Variants in ARK2N observed in about 807,000 individuals in gnomAD.
ARK2N encodes the protein arkadia (RNF111) N-terminal like PKA signaling regulator 2N.
chr18:46,179,270 T>G, the ARK2N span, among the ~76,000 whole-genome samples: 1 of 152,128 alleles, frequency 6.6e-6, no homozygotes, highest in Non-Finnish European at 1.5e-5. Flanking sequence ...ATTGGTTTTA[T>G]TTATTTTAGT....
chr18:46,186,604 A>C, the ARK2N span, among the ~76,000 whole-genome samples: 2 of 145,270 alleles, frequency 1.4e-5, no homozygotes, highest in Admixed American at 7.3e-5. Context: ...TTCCGGGTTC[A>C]CACCATTCTC....
At chr18:46,190,815 C>T in the ARK2N span, among the ~76,000 whole-genome samples, 1 of 152,140 alleles carries the variant, frequency 6.6e-6, no homozygotes, top group Non-Finnish European at 1.5e-5. Flanking sequence ...TTGCCTTATC[C>T]AAGTCTGTAT....
the ARK2N span, among the ~76,000 whole-genome samples, chr18:46,200,687 C>G: frequency 6.6e-6 from 1 of 152,190 alleles, no homozygotes; most frequent in Admixed American, 6.6e-5. Context: ...CATGAAGTGG[C>G]TTCTTATTCA....
chr18:46,219,099 G>C, the ARK2N span: 1 of 152,164 alleles, frequency 6.6e-6, no homozygotes, highest in Non-Finnish European at 1.5e-5. Context: ...AATTGTAACT[G>C]TTAATGCATA....
At chr18:46,183,151 A>G in the ARK2N span, among the ~76,000 whole-genome samples, 2 of 152,088 alleles carry the variant, frequency 1.3e-5, no homozygotes, top group Admixed American at 1.3e-4. Flanking sequence ...TATCTCATAA[A>G]TGTGTCAGAT....
the ARK2N span, among the ~76,000 whole-genome samples, chr18:46,212,990 ATTTTTTTTTTTT>A: frequency 2.4e-4 from 19 of 80,520 alleles, no homozygotes; most frequent in East Asian, 6.1e-4. Context: ...TTTAAGAAGA[ATTTTTTTTTTTT>A]TTTTTTTTTT....
chr18:46,194,830 G>A, the ARK2N span, among the ~76,000 whole-genome samples: 1 of 138,960 alleles, frequency 7.2e-6, no homozygotes, highest in Admixed American at 7.6e-5. Context: ...TTGAGATAGA[G>A]TCTCATTCTG....
the ARK2N span, chr18:46,216,489 C>A: frequency 6.2e-7 from 1 of 1,614,126 alleles, no homozygotes; most frequent in South Asian, 1.1e-5. This position sits in a 1 kb window ranked among gnomAD's most constrained non-coding sequence, Gnocchi z 4.3. Flanking sequence ...TGCTGCAGGA[C>A]AGTAGTACCA....
At chr18:46,195,616 AC>A in the ARK2N span, among the ~76,000 whole-genome samples, 2 of 106,176 alleles carry the variant, frequency 1.9e-5, no homozygotes, top group African/African-American at 7.8e-5. Flanking sequence ...TTGCTCTGTC[AC>A]CCAGGCTGGA....
At chr18:46,266,909 A>T in the ARK2N span, 2 of 152,152 alleles carry the variant, frequency 1.3e-5, no homozygotes, top group African/African-American at 2.4e-5. Context: ...GCAAGATAAG[A>T]TTTTCTGTTT....
the ARK2N span, among the ~76,000 whole-genome samples, chr18:46,246,774 C>G: frequency 6.9e-6 from 1 of 145,090 alleles, no homozygotes; most frequent in African/African-American, 2.5e-5. Context: ...CAAACCCCGT[C>G]TCTACTAAAA....
chr18:46,248,928 C>A, the ARK2N span, among the ~76,000 whole-genome samples: 3 of 152,280 alleles, frequency 2.0e-5, no homozygotes, highest in East Asian at 5.8e-4. Context: ...TTTTCTACTT[C>A]ATTGGACCAA....
the ARK2N span, among the ~76,000 whole-genome samples, chr18:46,189,774 G>A: frequency 2.0e-5 from 3 of 152,180 alleles, no homozygotes; most frequent in Admixed American, 6.5e-5. Flanking sequence ...CAAGGTGGGC[G>A]GATCGCTTGA....
the ARK2N span, among the ~76,000 whole-genome samples, chr18:46,185,225 C>T: frequency 6.6e-6 from 1 of 152,136 alleles, no homozygotes; most frequent in Admixed American, 6.5e-5. Flanking sequence ...AACATGATCC[C>T]TGTTTTCATG....
At chr18:46,225,009 G>A in the ARK2N span, among the ~76,000 whole-genome samples, 1 of 152,234 alleles carries the variant, frequency 6.6e-6, no homozygotes, top group Non-Finnish European at 1.5e-5. Flanking sequence ...TGTGTGATAG[G>A]AACTGCACAG....
At chr18:46,196,084 G>A in the ARK2N span, among the ~76,000 whole-genome samples, 1 of 151,042 alleles carries the variant, frequency 6.6e-6, no homozygotes, top group Admixed American at 6.6e-5. Flanking sequence ...GGGTTCAAGC[G>A]ATTCTCCTGC....
At chr18:46,191,392 T>C in the ARK2N span, among the ~76,000 whole-genome samples, 1 of 151,862 alleles carries the variant, frequency 6.6e-6, no homozygotes, top group African/African-American at 2.4e-5. Flanking sequence ...CAAAACTTCA[T>C]CTTGTGTTGC....
chr18:46,261,595 T>A, the ARK2N span, among the ~76,000 whole-genome samples: 1 of 152,236 alleles, frequency 6.6e-6, no homozygotes, highest in Non-Finnish European at 1.5e-5. Flanking sequence ...GAATTAGACA[T>A]TGGGCTTTAT....
At chr18:46,200,066 T>TTGTG in the ARK2N span, among the ~76,000 whole-genome samples, 412 of 150,166 alleles carry the variant, frequency 2.7e-3, no homozygotes, top group African/African-American at 6.0e-3. Context: ...AAATTCTTTA[T>TTGTG]TGTGTGTGTG....
Sources: gnomAD v4.1 joint callset for allele counts (sites outside exome capture counted in the v4.1 genomes callset) on GRCh38, gnomAD v4.1.1 for gene constraint, Gnocchi (gnomAD v3.1) non-coding constraint, MANE v1.5 for transcripts, NCBI Gene and HGNC (gene_info 2026-07-23, HGNC 2026-07-21) for gene names.